Variants in BEND6 observed in about 807,000 individuals in gnomAD.
BEND6 encodes BEN domain-containing protein 6.
A neutral mutation model predicts 31.8 loss-of-function variants in BEND6; 24 were observed. That is an observed-to-expected ratio of 0.75 (90% CI 0.55 to 1.06). The LOEUF (loss-of-function observed/expected upper bound fraction) is 1.06. BEND6 is among the 50% of genes least tolerant of loss of function. BEND6 has a pLI of 0.00. For synonymous variants in BEND6, 109 were observed against 114.6 expected (o/e 0.95, Z 0.31); for missense variants, 294 against 327.4 (o/e 0.90, Z 0.79).
chr6:56,969,532 T>G (rs1252763195), intron 1 of BEND6, among the ~76,000 whole-genome samples: 1 of 152,202 alleles, frequency 6.6e-6, no homozygotes, highest in Non-Finnish European at 1.5e-5. Flanking sequence ...GTCTATACAT[T>G]TCAAAACTGA....
chr6:57,017,454 C>G, intron 5 of BEND6, 55 bp downstream of exon 5: 1 of 1,232,856 alleles, frequency 8.1e-7, no homozygotes, highest in Non-Finnish European at 1.0e-6. Context: ...TGTTACCACT[C>G]AAGGTCAAGA....
chr6:56,967,666 C>G (rs77023483), intron 1 of BEND6, among the ~76,000 whole-genome samples: 1 of 152,274 alleles, frequency 6.6e-6, no homozygotes, highest in East Asian at 1.9e-4. Flanking sequence ...CACTGATGAA[C>G]AAGCCAAGAC....
rs1827916181 is a variant in BEND6, at chr6:57,026,803, T to C, written c.*731T>C. ...AACAATGCATCAATTTTCAGGGAAA[T>C]CTTTTTGTTTGTTTATTTACCAGAC... On this transcript the variant is annotated 3_prime_UTR_variant, in exon 7 of 7. Transcript: ENST00000370746. 1 of 152,190 alleles carries C rather than the reference T, an allele frequency of 6.6e-6. No homozygotes were observed. The highest frequency in any genetic ancestry group is 1.5e-5 in the Non-Finnish European group (1 of 68,028). 9.4% of individuals were successfully genotyped at this position (152,190 alleles called of 1,614,324 possible).
chr6:56,998,329 T>C (rs1826803734), intron 3 of BEND6, among the ~76,000 whole-genome samples: 1 of 152,152 alleles, frequency 6.6e-6, no homozygotes. Flanking sequence ...GCCTGCTAAC[T>C]AAGAAAAATG....
intron 1 of BEND6, among the ~76,000 whole-genome samples, chr6:56,965,165 T>C (rs1465149133): frequency 6.6e-6 from 1 of 152,216 alleles, no homozygotes; most frequent in African/African-American, 2.4e-5. Context: ...CTTGATAAAA[T>C]GTGTAATGTA....
At chr6:56,987,109 C>G (rs1826309915) in intron 2 of BEND6, among the ~76,000 whole-genome samples, 1 of 151,740 alleles carries the variant, frequency 6.6e-6, no homozygotes, top group Non-Finnish European at 1.5e-5. Context: ...TCCCAAGTAG[C>G]TGGGATTACA....
chr6:56,977,822 T>C (rs9382673), intron 1 of BEND6, among the ~76,000 whole-genome samples: 10,976 of 152,168 alleles, frequency 0.072, 525 homozygotes, highest in East Asian at 0.18. Context: ...CTGGGCATAG[T>C]GGCACACGCC....
intron 1 of BEND6, among the ~76,000 whole-genome samples, chr6:56,964,741 C>G (rs1308169821): frequency 6.6e-6 from 1 of 152,188 alleles, no homozygotes; most frequent in Non-Finnish European, 1.5e-5. Context: ...AAGCAATCCT[C>G]CCACCTCTGT....
At chr6:56,981,528 A>T (rs868492770) in intron 1 of BEND6, among the ~76,000 whole-genome samples, 183 bp from the exon 2 acceptor site, 4 of 152,206 alleles carry the variant, frequency 2.6e-5, no homozygotes, top group Admixed American at 2.0e-4. Flanking sequence ...GAAAATATGA[A>T]ATTATTTATG....
At chr6:57,010,654 AT>A in intron 3 of BEND6, 1 of 925,466 alleles carries the variant, frequency 1.1e-6, no homozygotes, top group Non-Finnish European at 1.3e-6. Context: ...AGAATTTGCT[AT>A]TTTTGTTTCT....
chr6:57,002,562 C>A (rs1239684953), intron 3 of BEND6, among the ~76,000 whole-genome samples: 1 of 151,878 alleles, frequency 6.6e-6, no homozygotes, highest in African/African-American at 2.4e-5. Context: ...TCAAGAAGAT[C>A]TCTCAAAACC....
At chr6:57,008,105 T>C in intron 3 of BEND6, 2 of 692,310 alleles carry the variant, frequency 2.9e-6, no homozygotes, top group Non-Finnish European at 5.2e-6. Flanking sequence ...TAAGTCTGAT[T>C]AAAAGGGCCC....
chr6:56,979,205 C>T (rs1344229637), intron 1 of BEND6, among the ~76,000 whole-genome samples: 1 of 152,112 alleles, frequency 6.6e-6, no homozygotes, highest in Non-Finnish European at 1.5e-5. Context: ...AGTAATTAGT[C>T]TTCAAAGTAT....
intron 6 of BEND6, among the ~76,000 whole-genome samples, chr6:57,024,963 G>T (rs114107619): frequency 6.6e-6 from 1 of 152,004 alleles, no homozygotes; most frequent in South Asian, 2.1e-4. Context: ...GATTTCACAG[G>T]TTATTTTCTC....
intron 1 of BEND6, among the ~76,000 whole-genome samples, chr6:56,972,688 C>T (rs1825731370): frequency 6.6e-6 from 1 of 152,172 alleles, no homozygotes; most frequent in South Asian, 2.1e-4. Context: ...CACTTAAGTT[C>T]TCAGTAGAAA....
At chr6:56,955,926 G>A (rs550923471) in intron 1 of BEND6, among the ~76,000 whole-genome samples, 13 of 152,220 alleles carry the variant, frequency 8.5e-5, no homozygotes, top group Non-Finnish European at 7.3e-5. Flanking sequence ...ATGGCAGTTG[G>A]TGGCCAGGGG....
chr6:56,964,044 A>G (rs1265447251), intron 1 of BEND6, among the ~76,000 whole-genome samples: 3 of 148,306 alleles, frequency 2.0e-5, no homozygotes, highest in Non-Finnish European at 4.5e-5. Context: ...TATTATAATT[A>G]ATATTAATTA....
At chr6:56,964,144 G>A (rs1260875041) in intron 1 of BEND6, among the ~76,000 whole-genome samples, 1 of 151,796 alleles carries the variant, frequency 6.6e-6, no homozygotes, top group Non-Finnish European at 1.5e-5. Flanking sequence ...AGCACAGAAA[G>A]ATTACATGGG....
At chr6:56,967,785 C>G (rs1227111349) in intron 1 of BEND6, among the ~76,000 whole-genome samples, 3 of 152,168 alleles carry the variant, frequency 2.0e-5, no homozygotes, top group Admixed American at 2.0e-4. Context: ...AATTGACAAC[C>G]TGCTACAAAG....
Sources: allele counts gnomAD v4.1 joint callset (sites outside exome capture counted in the v4.1 genomes callset), GRCh38; gene constraint gnomAD v4.1.1; transcripts MANE v1.5; gene names NCBI Gene and HGNC (gene_info 2026-07-23, HGNC 2026-07-21).